EBF1: variants seen among roughly 807,000 people sequenced by gnomAD.
EBF1 encodes transcription factor COE1.
Under a neutral mutation model 68.4 loss-of-function variants are expected in EBF1, and 10 were observed. That is an observed-to-expected ratio of 0.15 (90% confidence interval 0.09 to 0.25). The LOEUF is 0.25. Ranked by LOEUF, EBF1 falls within the 10% of genes least tolerant of loss-of-function variation. The pLI is 1.00. For synonymous variants in EBF1, 298 were observed against 299.8 expected, an observed-to-expected ratio of 0.99 and a Z score of 0.06; for missense variants, 509 against 794.4, an observed-to-expected ratio of 0.64 and a Z score of 4.32.
In EBF1 at chr5:158,712,292, C is replaced by T. The variant is rs1156761801; in HGVS notation, c.1411G>A (p.Val471Met). Residue 471 changes from valine (V) to methionine (M), a missense_variant, in exon 14 of 16, where the codon GTG becomes ATG. By Grantham distance (21) the Val-to-Met change is conservative. This residue lies in a region of EBF1 where 205 missense variants were observed against 247.4 expected (regional missense o/e 0.83). Transcript: ENST00000313708. ...GTCTGCTGGGGAGTGGTGCTCGGCA[C>T]GTACCCGTGTGGTGATACGCTGCTT... ...NSSSVSPHGY[V>M]PSTTPQQTNY... The T allele has an allele frequency of 5.0e-6, 8 of 1,614,014 alleles. No individual in the cohort carries two copies. Among genetic ancestry groups the T allele is most frequent in the East Asian group, 2.2e-5 (1 of 44,878 alleles).
intron 5 of EBF1, chr5:159,073,723 G>T: frequency 2.0e-6 from 1 of 499,442 alleles, no homozygotes; most frequent in Non-Finnish European, 3.6e-6. Context: ...CCCCAAGATG[G>T]GGTCTCCCCA....
intron 6 of EBF1, among the ~76,000 whole-genome samples, chr5:158,940,944 G>C (rs1227983390): frequency 6.6e-6 from 1 of 152,058 alleles, no homozygotes; most frequent in Non-Finnish European, 1.5e-5. Flanking sequence ...ATTTGGGTAG[G>C]AGACAGCTCC....
At chr5:158,942,829 G>A (rs1389744277) in intron 6 of EBF1, among the ~76,000 whole-genome samples, 1 of 150,402 alleles carries the variant, frequency 6.6e-6, no homozygotes, top group Non-Finnish European at 1.5e-5. Flanking sequence ...CAAGGCAAGT[G>A]TTGTTGCAAG....
intron 8 of EBF1, among the ~76,000 whole-genome samples, chr5:158,814,620 A>ACAAAC (rs1202348831): frequency 6.6e-6 from 1 of 152,208 alleles, no homozygotes; most frequent in Non-Finnish European, 1.5e-5. Flanking sequence ...CATGAGGTTT[A>ACAAAC]CAAACTCTTC....
chr5:158,879,674 G>A (rs1260758082), intron 6 of EBF1, among the ~76,000 whole-genome samples: 2 of 152,040 alleles, frequency 1.3e-5, no homozygotes, highest in African/African-American at 4.8e-5. Context: ...TAAGAAATCT[G>A]CACATTGTGC....
chr5:158,746,502 G>A (rs888543983), intron 10 of EBF1, among the ~76,000 whole-genome samples: 6 of 152,112 alleles, frequency 3.9e-5, no homozygotes, highest in African/African-American at 1.4e-4. Context: ...GCCATCTAGC[G>A]TTACCAGAAG....
rs72070397 is a variant in EBF1 at position 159,060,933 on chromosome 5, T to TACACACAC, written c.554+12455_554+12462dup. Among the ~76,000 whole-genome samples the TACACACAC allele has an allele frequency of 3.2e-3, 456 of 143,770 alleles. 1 individual carries two copies. The highest frequency in any genetic ancestry group is 0.01 in the Middle Eastern group (3 of 288). The allele number at this position is 143,770 out of a possible 152,430, so 94.3% of individuals were successfully genotyped here. A position where few individuals can be genotyped will look rare whatever the true frequency, so the allele number is the denominator to read the frequency against. On this transcript the variant is annotated intron_variant, in intron 6 of 15. Coordinates refer to ENST00000313708, the MANE Select transcript of EBF1 (RefSeq NM_024007.5). ...AGATTTAGAGAGGGTTAAAGCTACA[T>TACACACAC]ACACACACACACACACACACACACA...
chr5:158,971,465 A>C (rs1583570873), intron 6 of EBF1, among the ~76,000 whole-genome samples: 1 of 152,342 alleles, frequency 6.6e-6, no homozygotes, highest in Middle Eastern at 3.4e-3. Context: ...TGGACCCAGC[A>C]GTACAGGCTG....
intron 6 of EBF1, among the ~76,000 whole-genome samples, chr5:158,868,806 G>A (rs1039554216): frequency 1.3e-5 from 2 of 152,104 alleles, no homozygotes; most frequent in African/African-American, 4.8e-5. Context: ...TGCTTTGCTG[G>A]GGACAAAAGG....
At chr5:158,765,238 A>T (rs879812886) in intron 10 of EBF1, among the ~76,000 whole-genome samples, 6 of 152,170 alleles carry the variant, frequency 3.9e-5, no homozygotes, top group Non-Finnish European at 7.4e-5. Context: ...TTCTAGTCTT[A>T]AAAAAGTAGA....
At chr5:159,094,592 C>CT (rs1303200008) in intron 4 of EBF1, among the ~76,000 whole-genome samples, 1 of 152,086 alleles carries the variant, frequency 6.6e-6, no homozygotes, top group Non-Finnish European at 1.5e-5. Context: ...TAATTTGAAA[C>CT]TTTCTCAGCC....
At chr5:158,940,775 C>T (rs1452110716) in intron 6 of EBF1, among the ~76,000 whole-genome samples, 7 of 43,494 alleles carry the variant, frequency 1.6e-4, no homozygotes, top group African/African-American at 3.4e-4. Flanking sequence ...CCCCCCCCCC[C>T]CCCCGCAGGT....
At chr5:158,816,029 T>G (rs765569244) in intron 8 of EBF1, among the ~76,000 whole-genome samples, 2 of 152,226 alleles carry the variant, frequency 1.3e-5, no homozygotes, top group Non-Finnish European at 2.9e-5. Flanking sequence ...TGGTAAATTG[T>G]AACATGCCAC....
At chr5:158,708,199 A>G in intron 14 of EBF1, 26 bp from the exon 15 acceptor site, 1 of 1,554,456 alleles carries the variant, frequency 6.4e-7, no homozygotes, top group Non-Finnish European at 8.7e-7. Context: ...AGAAAGGAGA[A>G]ATCAGTGCCT....
intron 14 of EBF1, among the ~76,000 whole-genome samples, chr5:158,709,795 A>T (rs1241959439): frequency 6.6e-6 from 1 of 152,196 alleles, no homozygotes; most frequent in Middle Eastern, 3.2e-3. Flanking sequence ...CTCAATAATA[A>T]CACCCATTTA....
intron 1 of EBF1, among the ~76,000 whole-genome samples, chr5:159,098,798 G>T (rs1357146252): frequency 7.0e-6 from 1 of 143,654 alleles, no homozygotes; most frequent in Non-Finnish European, 1.5e-5. Flanking sequence ...AAAATAAAGG[G>T]GGGAGAAAGG....
intron 8 of EBF1, among the ~76,000 whole-genome samples, chr5:158,798,347 C>T (rs554913275): frequency 1.3e-5 from 2 of 152,302 alleles, no homozygotes; most frequent in African/African-American, 2.4e-5. Flanking sequence ...ATTACCCACA[C>T]AGATCACAAA....
In EBF1 at chr5:158,731,177, C is replaced by T; in HGVS notation, c.1037-20G>A. On this transcript the variant is annotated intron_variant, in intron 10 of 15. Transcript: ENST00000313708. ...TGAGCGCTGCAATAAAGAAGTCACA[C>T]AATTAGTACATTTTCAAGAAATAAA... The T allele has an allele frequency of 6.2e-7, 1 of 1,608,938 alleles. No individual in the cohort carries two copies. The highest frequency in any genetic ancestry group is 1.1e-5 in the South Asian group (1 of 90,548).
intron 6 of EBF1, among the ~76,000 whole-genome samples, chr5:158,980,890 A>G (rs1216692333): frequency 4.6e-5 from 7 of 152,178 alleles, no homozygotes; most frequent in African/African-American, 9.7e-5. Flanking sequence ...TTAAACAATT[A>G]TTTTAAAAAG....
Sources: allele counts gnomAD v4.1 joint callset (sites outside exome capture counted in the v4.1 genomes callset), GRCh38; gene constraint gnomAD v4.1.1; regional missense constraint gnomAD v4.1.1; transcripts MANE v1.5; gene names NCBI Gene and HGNC (gene_info 2026-07-23, HGNC 2026-07-21).